The following BNIP1 variants were observed in gnomAD, a reference collection of about 807,000 sequenced individuals.
BNIP1 encodes vesicle transport protein SEC20.
BNIP1 carries 25 observed loss-of-function variants against 28.5 expected under a neutral mutation model. The ratio of observed to expected loss-of-function variants is 0.88; its 90% CI spans 0.64 to 1.23. The LOEUF (loss-of-function observed/expected upper bound fraction) is 1.23, where lower values mean the gene tolerates loss of function less well. Ranked by LOEUF, BNIP1 falls within the 50% of genes most tolerant of loss-of-function variation. The pLI, the probability that BNIP1 is intolerant of heterozygous loss-of-function variation, is 0.00. For synonymous variants in BNIP1, 118 were observed against 101.7 expected (o/e 1.16, Z -0.96); for missense variants, 276 against 277.0 (o/e 1.00, Z 0.02).
At chr5:173,155,146 C>A (rs1760148542) in intron 3 of BNIP1, among the ~76,000 whole-genome samples, 1 of 152,050 alleles carries the variant, frequency 6.6e-6, no homozygotes, top group South Asian at 2.1e-4. Context: ...GCAAGAAAAA[C>A]CGTAAATTAA....
rs369298286 is a variant in BNIP1, at chr5:173,144,593, T to A, written c.48T>A (p.Ile16=). The A allele has an allele frequency of 6.2e-7, 1 of 1,614,150 alleles. No individual in the cohort carries two copies. The highest frequency in any genetic ancestry group is 1.7e-5 in the Admixed American group (1 of 60,020). The change falls in exon 1 of 6, where the codon ATT becomes ATA. Residue 16 remains isoleucine (I), a synonymous_variant. Coordinates refer to ENST00000351486, the MANE Select transcript of BNIP1 (RefSeq NM_001205.3). ...DVHVRICNQE[I]VKFDLEVKAL... is the part of the protein sequence containing the mutation. ...ACGTCCGGATCTGTAACCAAGAGAT[T>A]GTCAAATTTGACCTGGAGGTGAAGG...
chr5:173,155,322 C>T (rs1307459506), intron 3 of BNIP1, among the ~76,000 whole-genome samples: 1 of 152,170 alleles, frequency 6.6e-6, no homozygotes, highest in Non-Finnish European at 1.5e-5. Context: ...GTATCTTTCC[C>T]TTCACATTTG....
At position 173,156,776 on chromosome 5, in the gene BNIP1, G is replaced by A. The variant is rs1464437588; in HGVS notation, c.270-1968G>A. ...CATTCTCCTGCCTCAGCCTCTCCGA[G>A]TAGCTGGGACTACAGGCACCCGCCA... On this transcript the variant is annotated intron_variant, in intron 3 of 5. Coordinates refer to ENST00000351486, the MANE Select transcript of BNIP1 (RefSeq NM_001205.3). Among the ~76,000 whole-genome samples the A allele has an allele frequency of 2.0e-5, 3 of 151,084 alleles. No homozygotes were observed. The East Asian group carries it at 5.9e-4, about 30-fold the overall frequency.
At chr5:173,150,521 C>T (rs1240174867) in intron 2 of BNIP1, among the ~76,000 whole-genome samples, 1 of 152,194 alleles carries the variant, frequency 6.6e-6, no homozygotes, top group Non-Finnish European at 1.5e-5. Context: ...CCTAGCTGAT[C>T]TCTTCCTGCC....
chr5:173,156,979 C>CA (rs960584410), intron 3 of BNIP1, among the ~76,000 whole-genome samples: 1 of 151,112 alleles, frequency 6.6e-6, no homozygotes, highest in Admixed American at 6.6e-5. Context: ...ACAAAAAAAA[C>CA]AAAAAAAACC....
At chr5:173,155,338 T>A (rs999453971) in intron 3 of BNIP1, among the ~76,000 whole-genome samples, 4 of 152,360 alleles carry the variant, frequency 2.6e-5, no homozygotes, top group African/African-American at 7.2e-5. Flanking sequence ...ATTTGACTTT[T>A]GTACCAATCA....
At position 173,163,877 on chromosome 5, in the gene BNIP1, A is replaced by G. The variant is rs376725777; in HGVS notation, c.643A>G (p.Thr215Ala). 4.5e-5 allele frequency: 73 copies of G among 1,613,558 alleles called. No individual in the cohort carries two copies. The highest frequency in any genetic ancestry group is 1.0e-4 in the Admixed American group (6 of 59,910). ...IFLALALFLA[T>A]VLYIVKKRLF... ...CCTTGCGCTAGCCCTGTTTCTTGCT[A>G]CGGTCCTCTATATTGTGAAAAAGCG... The change falls in exon 6 of 6, where the codon ACG becomes GCG. Residue 215 changes from threonine (T) to alanine (A), a missense_variant. By Grantham distance (58) the Thr-to-Ala change is moderately conservative (BLOSUM62 0). Transcript: ENST00000351486.
rs1280589190 is a variant in BNIP1 at position 173,146,888 on chromosome 5, C to G, written c.107C>G (p.Pro36Arg). The G allele has an allele frequency of 6.2e-7, 1 of 1,613,842 alleles. No individual in the cohort carries two copies. The highest frequency in any genetic ancestry group is 8.5e-7 in the Non-Finnish European group (1 of 1,179,860). ...TAGGATATCCGTGATTGTTCAGGAC[C>G]CTTAAGTGCTCTTACTGAACTGAAT... ...LIQDIRDCSG[P>R]LSALTELNTK... is the part of the protein sequence containing the mutation. The change falls in exon 2 of 6, where the codon CCC becomes CGC. Residue 36 changes from proline to arginine, a missense_variant. Pro to Arg is a moderately radical substitution (Grantham distance 103, BLOSUM62 -2). Coordinates refer to ENST00000351486, the MANE Select transcript of BNIP1 (RefSeq NM_001205.3).
intron 5 of BNIP1, among the ~76,000 whole-genome samples, 200 bp from the exon 6 acceptor site, chr5:173,163,525 C>G (rs979519605): frequency 6.6e-6 from 1 of 152,162 alleles, no homozygotes; most frequent in African/African-American, 2.4e-5. Context: ...ACAAACCCCC[C>G]CTCACTCTCT....
intron 3 of BNIP1, 126 bp from the exon 4 acceptor site, chr5:173,158,618 T>C (rs1037966113): frequency 1.8e-5 from 12 of 653,090 alleles, no homozygotes; most frequent in Admixed American, 9.5e-5. Flanking sequence ...GGAGGTGGGA[T>C]GGGCTCTGAA....
rs556804659 is a variant in BNIP1 at position 173,159,713 on chromosome 5, T to C, written c.372-220T>C. Among the ~76,000 whole-genome samples the C allele has an allele frequency of 1.2e-3, 176 of 152,326 alleles. 1 individual carries two copies. Among genetic ancestry groups the C allele is most frequent in the African/African-American group, 3.9e-3 (162 of 41,574 alleles). ...AATGAACATTACCAAGGCTCTTCAA[T>C]TGGCAAATTGCTTTACAGAAGGCAG... On this transcript the variant is annotated intron_variant, in intron 4 of 5. Coordinates refer to ENST00000351486, the MANE Select transcript of BNIP1 (RefSeq NM_001205.3).
At chr5:173,158,088 C>G (rs1457025683) in intron 3 of BNIP1, among the ~76,000 whole-genome samples, 3 of 151,578 alleles carry the variant, frequency 2.0e-5, no homozygotes, top group African/African-American at 4.8e-5. Context: ...CACCACCATG[C>G]CTGGCTAATT....
chr5:173,153,857 C>G (rs1188445765), intron 2 of BNIP1, among the ~76,000 whole-genome samples: 1 of 152,174 alleles, frequency 6.6e-6, no homozygotes, highest in Non-Finnish European at 1.5e-5. Context: ...TGCACGAGCT[C>G]TCAAACCTTC....
intron 1 of BNIP1, among the ~76,000 whole-genome samples, chr5:173,145,561 C>T (rs1417721073): frequency 6.6e-6 from 1 of 152,174 alleles, no homozygotes. Flanking sequence ...GCCACCACGC[C>T]CGGCTAATTT....
chr5:173,147,223 G>A (rs762744910), intron 2 of BNIP1, among the ~76,000 whole-genome samples: 2 of 151,952 alleles, frequency 1.3e-5, no homozygotes, highest in African/African-American at 2.4e-5. Flanking sequence ...TGGCTAACAC[G>A]GTGAAGCCCG....
chr5:173,153,187 A>G (rs1760070264), intron 2 of BNIP1, among the ~76,000 whole-genome samples: 2 of 150,994 alleles, frequency 1.3e-5, no homozygotes, highest in Non-Finnish European at 1.5e-5. Flanking sequence ...AGGTTTTTGC[A>G]TTAGCTTCCC....
intron 5 of BNIP1, 77 bp downstream of exon 5, chr5:173,160,128 G>C: frequency 2.2e-6 from 3 of 1,354,708 alleles, no homozygotes; most frequent in Non-Finnish European, 3.1e-6. Context: ...CTCCACTCTG[G>C]GCTCCTCCAC....
chr5:173,152,938 C>G (rs1190475266), intron 2 of BNIP1, among the ~76,000 whole-genome samples: 2 of 152,036 alleles, frequency 1.3e-5, no homozygotes, highest in African/African-American at 4.8e-5. Context: ...AAGCTAGAAC[C>G]TGTTTTAATT....
At chr5:173,158,702 T>C (rs1290305245) in intron 3 of BNIP1, 42 bp from the exon 4 acceptor site, 1 of 1,503,766 alleles carries the variant, frequency 6.6e-7, no homozygotes, top group Non-Finnish European at 9.2e-7. Flanking sequence ...ACTTATGGCT[T>C]GGTGGAGTGG....
Sources: gnomAD v4.1 joint callset for allele counts (sites outside exome capture counted in the v4.1 genomes callset) on GRCh38, gnomAD v4.1.1 for gene constraint, MANE v1.5 for transcripts, NCBI Gene and HGNC (gene_info 2026-07-23, HGNC 2026-07-21) for gene names.